Variants in DOCK4 observed in about 807,000 individuals in gnomAD.
DOCK4 encodes the protein dedicator of cytokinesis 4, also known as dedicator of cytokinesis protein 4.
A neutral mutation model predicts 268.1 loss-of-function variants in DOCK4; 97 were observed. The ratio of observed to expected loss-of-function variants is 0.36; its 90% confidence interval spans 0.31 to 0.43. The LOEUF is 0.43. Ranked by LOEUF, DOCK4 falls within the 20% of genes least tolerant of loss-of-function variation. The probability of loss-of-function intolerance (pLI) is 1.00; values close to 1 mark genes in which losing one functional copy is unlikely to be tolerated. For missense variants in DOCK4, 2,145 were observed against 2,455.7 expected, an observed-to-expected ratio of 0.87 and a Z score of 2.67; for synonymous variants, 954 against 887.2, an observed-to-expected ratio of 1.08 and a Z score of -1.34.
chr7:111,833,202 T>C (rs1443186932), intron 26 of DOCK4, among the ~76,000 whole-genome samples: 2 of 152,088 alleles, frequency 1.3e-5, no homozygotes, highest in Non-Finnish European at 2.9e-5. Context: ...GTACTCAGAG[T>C]GGGTAAGTCC....
chr7:112,096,857 G>A (rs1244116758), intron 1 of DOCK4, among the ~76,000 whole-genome samples: 1 of 152,190 alleles, frequency 6.6e-6, no homozygotes, highest in Non-Finnish European at 1.5e-5. Flanking sequence ...TGGGTTACAG[G>A]ACACAGTACT....
rs1563051832 is a variant in DOCK4, at chr7:112,066,676, C to CGTGT, written c.38-62546_38-62545insACAC. ...TACACATATTATACATATACATATA[C>CGTGT]ATATATACATATACATATATATATA... On this transcript the variant is annotated intron_variant, in intron 1 of 52. Coordinates refer to ENST00000428084, the MANE Select transcript of DOCK4 (RefSeq NM_001363540.2). Among the ~76,000 whole-genome samples, 213 of 52,026 alleles carry CGTGT rather than the reference C, an allele frequency of 4.1e-3. 14 individuals are homozygous for CGTGT. Among genetic ancestry groups the CGTGT allele is most frequent in the African/African-American group, 0.024 (196 of 8,176 alleles). The allele number at this position is 52,026 out of a possible 152,430, so 34.1% of individuals were successfully genotyped here.
At chr7:111,906,424 G>C (rs1275886778) in intron 13 of DOCK4, among the ~76,000 whole-genome samples, 1 of 152,148 alleles carries the variant, frequency 6.6e-6, no homozygotes, top group African/African-American at 2.4e-5. Flanking sequence ...GTCATTTTGA[G>C]AGAAAATGTG....
chr7:111,748,661 T>A (rs1251393757), intron 42 of DOCK4, among the ~76,000 whole-genome samples: 1 of 152,218 alleles, frequency 6.6e-6, no homozygotes, highest in East Asian at 1.9e-4. Flanking sequence ...TACTGGAAGT[T>A]CAAGTTGGTT....
intron 13 of DOCK4, among the ~76,000 whole-genome samples, chr7:111,902,063 T>C (rs569795177): frequency 1.9e-4 from 29 of 152,316 alleles, no homozygotes; most frequent in Middle Eastern, 3.4e-3. Flanking sequence ...TAGGAAGGTA[T>C]TGTCAAGTCT....
intron 10 of DOCK4, among the ~76,000 whole-genome samples, chr7:111,942,540 T>C (rs1795293906): frequency 6.6e-6 from 1 of 152,204 alleles, no homozygotes; most frequent in South Asian, 2.1e-4. Context: ...TAAAAAACTT[T>C]CCTGCCAGTT....
intron 49 of DOCK4, among the ~76,000 whole-genome samples, chr7:111,738,382 C>T (rs184099220): frequency 1.4e-3 from 219 of 152,328 alleles, no homozygotes; most frequent in Non-Finnish European, 2.4e-3. Flanking sequence ...AGATAGGAAT[C>T]GATTGCAGCT....
At chr7:111,787,609 T>G (rs1799262433) in intron 32 of DOCK4, among the ~76,000 whole-genome samples, 1 of 152,194 alleles carries the variant, frequency 6.6e-6, no homozygotes, top group African/African-American at 2.4e-5. Flanking sequence ...CTGAAATCTA[T>G]CTAACCTATT....
At chr7:112,018,179 A>AAAAAAAAAAAAAAAAAAAAAAAACAAC in intron 1 of DOCK4, among the ~76,000 whole-genome samples, 3 of 72,590 alleles carry the variant, frequency 4.1e-5, no homozygotes, top group East Asian at 4.0e-4. Context: ...AAAAAAAAAA[A>AAAAAAAAAAAAAAAAAAAAAAAACAAC]ACACAGGCAA....
intron 13 of DOCK4, among the ~76,000 whole-genome samples, chr7:111,912,849 G>T (rs2134503831): frequency 6.6e-6 from 1 of 151,680 alleles, no homozygotes; most frequent in African/African-American, 2.4e-5. Flanking sequence ...ATAACAATTA[G>T]ACTTTTTCTT....
At chr7:111,822,542 C>T in intron 26 of DOCK4, 86 bp from the exon 27 acceptor site, 3 of 1,165,016 alleles carry the variant, frequency 2.6e-6, no homozygotes, top group South Asian at 1.4e-5. Flanking sequence ...TACTGTTGTA[C>T]TGTTACCATT....
intron 27 of DOCK4, among the ~76,000 whole-genome samples, chr7:111,818,112 CT>C (rs530038371): frequency 2.0e-5 from 3 of 152,340 alleles, no homozygotes; most frequent in Non-Finnish European, 4.4e-5. Flanking sequence ...GTCTTCTTCA[CT>C]GGATACCTCT....
chr7:111,757,302 G>C (rs1051911906), intron 41 of DOCK4, among the ~76,000 whole-genome samples: 22 of 152,190 alleles, frequency 1.4e-4, no homozygotes, highest in Middle Eastern at 3.4e-3. Context: ...ACGAAATGTA[G>C]TACGGTGGAA....
Position 112,162,451 on chromosome 7 carries a change from C to G in DOCK4, c.37+43651G>C, listed in dbSNP as rs187399348. Among the ~76,000 whole-genome samples the G allele has an allele frequency of 8.5e-5, 13 of 152,106 alleles. No homozygotes were observed. In the East Asian group the frequency reaches 2.5e-3, roughly 29 times the overall value. On this transcript the variant is annotated intron_variant, in intron 1 of 52. Transcript: ENST00000428084. ...ATGTGACCCAAGCAGGACCTGTGCC[C>G]TTTCACTTAGTTTTGTGTATAGATG...
At chr7:112,195,655 C>A (rs183076766) in intron 1 of DOCK4, among the ~76,000 whole-genome samples, 257 of 151,876 alleles carry the variant, frequency 1.7e-3, no homozygotes, top group African/African-American at 5.7e-3. Context: ...CCCAAACCTG[C>A]CTACTTCTGG....
At chr7:111,731,976 G>GC (rs1216425610) in intron 52 of DOCK4, among the ~76,000 whole-genome samples, 2 of 152,170 alleles carry the variant, frequency 1.3e-5, no homozygotes, top group African/African-American at 4.8e-5. Context: ...ACTTCAGTCT[G>GC]CAAGTTCTCA....
At chr7:111,898,431 C>T (rs902123479) in intron 15 of DOCK4, among the ~76,000 whole-genome samples, 1 of 152,218 alleles carries the variant, frequency 6.6e-6, no homozygotes, top group Non-Finnish European at 1.5e-5. Flanking sequence ...TCCCTAGCTG[C>T]AATTTAAGTC....
chr7:111,855,700 C>T (rs1233552613), intron 23 of DOCK4, among the ~76,000 whole-genome samples: 1 of 152,062 alleles, frequency 6.6e-6, no homozygotes, highest in Non-Finnish European at 1.5e-5. Flanking sequence ...CTACATGGCA[C>T]CCTGGAAACT....
intron 30 of DOCK4, among the ~76,000 whole-genome samples, chr7:111,792,399 T>C (rs899894956): frequency 5.3e-5 from 8 of 152,144 alleles, no homozygotes; most frequent in Non-Finnish European, 4.4e-5. Context: ...GTTGTTGTTA[T>C]TGAGACAGAG....
Sources: allele counts gnomAD v4.1 joint callset (sites outside exome capture counted in the v4.1 genomes callset), GRCh38; gene constraint gnomAD v4.1.1; transcripts MANE v1.5; gene names NCBI Gene and HGNC (gene_info 2026-07-23, HGNC 2026-07-21).